The following CCDC73 variants were observed in gnomAD, a reference collection of about 807,000 sequenced individuals.
CCDC73 encodes coiled-coil domain containing 73.
In CCDC73, 95 loss-of-function variants were observed where a neutral mutation model predicts 116.5. That is an observed-to-expected ratio of 0.82 (90% CI 0.69 to 0.97). The LOEUF is 0.97. CCDC73 is among the 50% of genes least tolerant of loss of function. CCDC73 has a pLI of 0.00. For synonymous variants in CCDC73, 398 were observed against 401.3 expected (o/e 0.99, Z 0.10); for missense variants, 1,066 against 1,206.8 (o/e 0.88, Z 1.73).
At chr11:32,735,219 G>A (rs1850117874) in intron 2 of CCDC73, among the ~76,000 whole-genome samples, 1 of 152,126 alleles carries the variant, frequency 6.6e-6, no homozygotes, top group South Asian at 2.1e-4. Context: ...AGGGAAAGAG[G>A]AAGTCAAATT....
intron 2 of CCDC73, among the ~76,000 whole-genome samples, chr11:32,738,710 T>A (rs748990846): frequency 5.3e-5 from 8 of 152,196 alleles, no homozygotes; most frequent in South Asian, 2.1e-4. Context: ...CTTGATGTGA[T>A]CCCATTTGTC....
chr11:32,627,885 G>A (rs564914300), intron 14 of CCDC73, among the ~76,000 whole-genome samples: 26 of 152,186 alleles, frequency 1.7e-4, no homozygotes, highest in Non-Finnish European at 3.5e-4. Flanking sequence ...ACGAGTTAAT[G>A]GGTGCAGCAC....
intron 3 of CCDC73, among the ~76,000 whole-genome samples, chr11:32,713,812 G>A (rs1849922023): frequency 6.6e-6 from 1 of 152,030 alleles, no homozygotes; most frequent in Non-Finnish European, 1.5e-5. Context: ...TACTAAAATT[G>A]CTGAGGATGT....
At chr11:32,627,347 T>G (rs1012613346) in intron 14 of CCDC73, among the ~76,000 whole-genome samples, 1 of 152,108 alleles carries the variant, frequency 6.6e-6, no homozygotes, top group Non-Finnish European at 1.5e-5. Flanking sequence ...TGTGGAGAAA[T>G]AGGAACACTT....
At chr11:32,718,239 A>G (rs1303907580) in intron 2 of CCDC73, 92 bp from the exon 3 acceptor site, 2 of 756,830 alleles carry the variant, frequency 2.6e-6, no homozygotes, top group Non-Finnish European at 4.3e-6. Flanking sequence ...GAAATAGCAT[A>G]CTCCCACCTT....
chr11:32,743,476 A>C (rs1230446275), intron 2 of CCDC73, among the ~76,000 whole-genome samples: 1 of 152,186 alleles, frequency 6.6e-6, no homozygotes, highest in Non-Finnish European at 1.5e-5. Context: ...ATGTTCTTTG[A>C]AACCAGTGAG....
chr11:32,731,998 G>A (rs1365991439), intron 2 of CCDC73, among the ~76,000 whole-genome samples: 2 of 152,088 alleles, frequency 1.3e-5, no homozygotes, highest in African/African-American at 2.4e-5. Context: ...CGAACCCATC[G>A]CAAAGAAGCT....
In CCDC73 at chr11:32,613,828, C is replaced by T. The variant is rs1159131984; in HGVS notation, c.2490G>A (p.Val830=). The T allele has an allele frequency of 1.2e-6, 2 of 1,613,556 alleles. No individual in the cohort carries two copies. Among genetic ancestry groups the T allele is most frequent in the East Asian group, 2.2e-5 (1 of 44,872 alleles). Residue 830 remains valine (V), a synonymous_variant, in exon 16 of 18, where the codon GTG becomes GTA. Coordinates refer to ENST00000335185, the MANE Select transcript of CCDC73 (RefSeq NM_001008391.4). The part of the protein sequence containing the change: ...EATKNDLFLF[V]SINERQHTLL... ...ATGTATGCTGTCTTTCATTAATGCTCACAAAAAGGAAGAGGTCATTTTTTG... is the reference window on the plus strand; with the variant it reads ...ATGTATGCTGTCTTTCATTAATGCTTACAAAAAGGAAGAGGTCATTTTTTG...
chr11:32,795,299 G>A (rs1267246195), upstream of CCDC73, among the ~76,000 whole-genome samples: 6 of 151,624 alleles, frequency 4.0e-5, no homozygotes, highest in African/African-American at 7.3e-5. Flanking sequence ...TGAGACCCCC[G>A]TCTCTACCCA....
chr11:32,764,381 C>T (rs1245331342), intron 1 of CCDC73, among the ~76,000 whole-genome samples: 1 of 152,098 alleles, frequency 6.6e-6, no homozygotes, highest in Admixed American at 6.5e-5. Context: ...GGGTTACCCA[C>T]AAAGGGAAGC....
intron 9 of CCDC73, among the ~76,000 whole-genome samples, chr11:32,663,890 G>A (rs949790321): frequency 6.6e-6 from 1 of 152,144 alleles, no homozygotes; most frequent in African/African-American, 2.4e-5. Flanking sequence ...TTAGCATGAA[G>A]GGCTGTTGAA....
intron 7 of CCDC73, among the ~76,000 whole-genome samples, chr11:32,678,735 TA>T (rs1436932128): frequency 1.3e-5 from 2 of 151,782 alleles, no homozygotes; most frequent in Admixed American, 1.3e-4. Context: ...ATACAAAAAT[TA>T]GCCAGGCATG....
intron 1 of CCDC73, among the ~76,000 whole-genome samples, chr11:32,769,532 C>T (rs1850473627): frequency 6.6e-6 from 1 of 152,166 alleles, no homozygotes; most frequent in South Asian, 2.1e-4. Context: ...AACACTGCTC[C>T]TGTCACATTC....
intron 14 of CCDC73, among the ~76,000 whole-genome samples, chr11:32,626,101 C>A (rs1855571091): frequency 1.3e-5 from 2 of 151,466 alleles, no homozygotes; most frequent in Admixed American, 6.6e-5. Context: ...AGCCCAAAAT[C>A]TCCTTAAGCT....
chr11:32,734,608 T>G (rs1393796222), intron 2 of CCDC73, among the ~76,000 whole-genome samples: 3 of 151,932 alleles, frequency 2.0e-5, no homozygotes, highest in African/African-American at 4.8e-5. Context: ...TACTTGAGAT[T>G]AGGGAGTGGT....
chr11:32,661,243 C>CCTTT (rs1855919796), intron 9 of CCDC73, among the ~76,000 whole-genome samples: 1 of 151,974 alleles, frequency 6.6e-6, no homozygotes, highest in Non-Finnish European at 1.5e-5. Flanking sequence ...AAAAATGTCC[C>CCTTT]CTTTTATTTT....
chr11:32,641,419 A>G (rs1855731857), intron 13 of CCDC73, among the ~76,000 whole-genome samples: 1 of 152,076 alleles, frequency 6.6e-6, no homozygotes, highest in African/African-American at 2.4e-5. Context: ...ATTATTATAA[A>G]ATAAAAAAAT....
upstream of CCDC73, among the ~76,000 whole-genome samples, chr11:32,796,121 A>C (rs1850725853): frequency 6.6e-6 from 1 of 152,188 alleles, no homozygotes; most frequent in African/African-American, 2.4e-5. Context: ...ACCCCATAGT[A>C]ACACCCATGC....
chr11:32,773,045 T>C (rs1478210724), intron 1 of CCDC73, among the ~76,000 whole-genome samples: 1 of 152,108 alleles, frequency 6.6e-6, no homozygotes, highest in Non-Finnish European at 1.5e-5. Flanking sequence ...GGTGAATGGA[T>C]AAATAAAATG....
Sources: gnomAD v4.1 joint callset for allele counts (sites outside exome capture counted in the v4.1 genomes callset) on GRCh38, gnomAD v4.1.1 for gene constraint, MANE v1.5 for transcripts, NCBI Gene and HGNC (gene_info 2026-07-23, HGNC 2026-07-21) for gene names.